STX17: variants seen among roughly 807,000 people sequenced by gnomAD.
STX17 encodes syntaxin-17.
In STX17, 29 loss-of-function variants were observed where a neutral mutation model predicts 35.9. That is an observed-to-expected ratio of 0.81 (90% confidence interval 0.60 to 1.10). STX17 has a LOEUF of 1.10. Among genes scored for constraint, STX17 ranks in the 50% least tolerant of loss-of-function variants. The probability of loss-of-function intolerance (pLI) is 0.00; values close to 1 mark genes in which losing one functional copy is unlikely to be tolerated. For missense variants in STX17, 312 were observed against 352.3 expected (o/e 0.89, Z 0.92); for synonymous variants, 92 against 118.3 (o/e 0.78, Z 1.44).
At chr9:99,908,742 G>A (rs1176936970) in intron 1 of STX17, among the ~76,000 whole-genome samples, 1 of 152,042 alleles carries the variant, frequency 6.6e-6, no homozygotes, top group Non-Finnish European at 1.5e-5. Flanking sequence ...TTTTTTTGGA[G>A]AATAGTATTT....
At chr9:99,925,414 T>G (rs1258183947) in intron 2 of STX17, among the ~76,000 whole-genome samples, 1 of 152,118 alleles carries the variant, frequency 6.6e-6, no homozygotes. Flanking sequence ...TATTTATATT[T>G]ACATATGTAT....
At chr9:99,957,291 C>T (rs190187346) in intron 4 of STX17, among the ~76,000 whole-genome samples, 1 of 152,132 alleles carries the variant, frequency 6.6e-6, no homozygotes, top group Non-Finnish European at 1.5e-5. Context: ...ACCCACAGCT[C>T]GGAAGTCTCA....
At chr9:99,945,244 T>C (rs978716586) in intron 3 of STX17, among the ~76,000 whole-genome samples, 2 of 152,224 alleles carry the variant, frequency 1.3e-5, no homozygotes, top group Admixed American at 6.5e-5. Flanking sequence ...TCAATTTTTC[T>C]TTATAGTTCT....
chr9:99,912,056 G>A lies in STX17; in HGVS notation c.-62-3122G>A, dbSNP rs188523656. Among the ~76,000 whole-genome samples the A allele has an allele frequency of 5.6e-3, 848 of 152,162 alleles. 8 individuals are homozygous for A. Among genetic ancestry groups the A allele is most frequent in the African/African-American group, 0.017 (720 of 41,512 alleles). ...AGCTTGGCCAACATGGCAAAATCCC[G>A]TCTCTACTAAAAACAAAAAATTAGC... On this transcript the variant is annotated intron_variant, in intron 1 of 7. Coordinates refer to ENST00000259400, the MANE Select transcript of STX17 (RefSeq NM_017919.3).
At chr9:99,955,334 A>C (rs1251340620) in intron 4 of STX17, among the ~76,000 whole-genome samples, 1 of 152,050 alleles carries the variant, frequency 6.6e-6, no homozygotes, top group Non-Finnish European at 1.5e-5. Context: ...AAACATGTAG[A>C]TGGTTTGTAT....
chr9:99,928,511 C>T (rs763267425), intron 2 of STX17, among the ~76,000 whole-genome samples: 2 of 152,018 alleles, frequency 1.3e-5, no homozygotes, highest in African/African-American at 2.4e-5. Flanking sequence ...GCAACATAGA[C>T]AAAATACATA....
chr9:99,960,031 C>A lies in STX17; in HGVS notation c.530C>A (p.Ala177Glu). 2 of 1,613,840 alleles carry A rather than the reference C, an allele frequency of 1.2e-6. No homozygotes were observed. The highest frequency in any genetic ancestry group is 1.7e-6 in the Non-Finnish European group (2 of 1,179,870). The stretch of plus-strand genomic sequence containing the variant: ...GCAGAATCGTGGGAAACCTTAGAAG[C>A]GGTATGTTAAAAAATGTTTTCTTTT... Reference protein sequence around the residue: ...NAAESWETLEADLIELSQLVT... With the variant: ...NAAESWETLEEDLIELSQLVT... Residue 177 changes from alanine to glutamate, a missense_variant and splice_region_variant, in exon 5 of 8, where the codon GCG (alanine) becomes GAG (glutamate). By Grantham distance (107) the Ala-to-Glu change is moderately radical. Coordinates refer to ENST00000259400, the MANE Select transcript of STX17 (RefSeq NM_017919.3).
intron 6 of STX17, among the ~76,000 whole-genome samples, chr9:99,966,637 T>G (rs1829917994): frequency 6.6e-6 from 1 of 152,242 alleles, no homozygotes; most frequent in Non-Finnish European, 1.5e-5. Context: ...AAATAGTCTG[T>G]AAACTGTGAT....
rs1828873055 is a variant in STX17, at chr9:99,920,993, G to A, written c.123+5631G>A. Among the ~76,000 whole-genome samples, 3 of 152,266 alleles carry A rather than the reference G, an allele frequency of 2.0e-5. No individual in the cohort carries two copies. The East Asian group carries it at 5.8e-4, about 29-fold the overall frequency. ...TGAGAAAATAATAACAGTGGAGGTA[G>A]TAGTTGTTTTCATTTGCTGAGTGCT... On this transcript the variant is annotated intron_variant, in intron 2 of 7. Transcript: ENST00000259400.
chr9:99,942,116 A>C (rs751108176), intron 3 of STX17, among the ~76,000 whole-genome samples: 5 of 152,222 alleles, frequency 3.3e-5, no homozygotes, highest in Non-Finnish European at 7.3e-5. Flanking sequence ...TGGGCACCAC[A>C]TCCTTACCAA....
At chr9:99,908,160 T>C (rs1828587996) in intron 1 of STX17, among the ~76,000 whole-genome samples, 1 of 152,260 alleles carries the variant, frequency 6.6e-6, no homozygotes, top group Non-Finnish European at 1.5e-5. Flanking sequence ...ATATGACTTA[T>C]TGCTCGTGAG....
intron 4 of STX17, among the ~76,000 whole-genome samples, chr9:99,956,960 A>T (rs917439887): frequency 6.6e-6 from 1 of 152,210 alleles, no homozygotes. Flanking sequence ...ATCAGATGCC[A>T]CATGTCATCA....
chr9:99,970,252 CT>C lies in STX17; in HGVS notation c.*1582del, dbSNP rs1410811113. On this transcript the variant is annotated 3_prime_UTR_variant, in exon 8 of 8. Transcript: ENST00000259400. ...CCTTTCATGTCCCTGTCTAAAGAGACTTTCTCTTTCATACGTCTTAAATCTC... is the reference window on the plus strand; with the variant it reads ...CCTTTCATGTCCCTGTCTAAAGAGACTTCTCTTTCATACGTCTTAAATCTC... 7.2e-5 allele frequency: 11 copies of C among 152,270 alleles called. No individual in the cohort carries two copies. The highest frequency in any genetic ancestry group is 2.2e-4 in the African/African-American group (9 of 41,542). The allele number at this position is 152,270 out of a possible 1,614,324, so 9.4% of individuals were successfully genotyped here. A position where few individuals can be genotyped will look rare whatever the true frequency, so the allele number is the denominator to read the frequency against.
At chr9:99,937,281 C>T (rs898692484) in intron 3 of STX17, among the ~76,000 whole-genome samples, 1 of 152,052 alleles carries the variant, frequency 6.6e-6, no homozygotes, top group Non-Finnish European at 1.5e-5. Flanking sequence ...CTTCTTGGAC[C>T]TCTGGACTTA....
chr9:99,935,329 C>CAA lies in STX17; in HGVS notation c.189+6504_189+6505dup, dbSNP rs35032937. On this transcript the variant is annotated intron_variant, in intron 3 of 7. Transcript: ENST00000259400. ...TGGGTGACAGAGCGACACTCCATCT[C>CAA]AAAAAAAAAAAAAAAAAAAGAAAAA... is the stretch of plus-strand genomic sequence containing the variant. Among the ~76,000 whole-genome samples the CAA allele has an allele frequency of 5.1e-3, 512 of 101,156 alleles. 6 individuals are homozygous for CAA. Among genetic ancestry groups the CAA allele is most frequent in the African/African-American group, 0.018 (467 of 26,314 alleles). The allele number at this position is 101,156 out of a possible 152,430, so 66.4% of individuals were successfully genotyped here.
intron 1 of STX17, among the ~76,000 whole-genome samples, chr9:99,913,189 A>G (rs764348097): frequency 1.3e-5 from 2 of 151,974 alleles, no homozygotes; most frequent in Non-Finnish European, 2.9e-5. Context: ...TTTTTAATGT[A>G]TGCTACTTGA....
At chr9:99,915,388 A>G in intron 2 of STX17, 26 bp downstream of exon 2, 1 of 1,575,052 alleles carries the variant, frequency 6.3e-7, no homozygotes, top group Non-Finnish European at 8.6e-7. Context: ...TACTACCACA[A>G]GAAATAGTTA....
intron 2 of STX17, among the ~76,000 whole-genome samples, chr9:99,923,889 G>A (rs2118349083): frequency 6.6e-6 from 1 of 152,234 alleles, no homozygotes; most frequent in South Asian, 2.1e-4. Flanking sequence ...GAGGTATGAG[G>A]GAATGGGTGC....
intron 7 of STX17, among the ~76,000 whole-genome samples, chr9:99,967,953 A>G (rs938400033): frequency 1.3e-5 from 2 of 152,256 alleles, no homozygotes; most frequent in African/African-American, 4.8e-5. Context: ...AAGAGAGAAT[A>G]AACTGTAGCT....
Sources: allele counts gnomAD v4.1 joint callset (sites outside exome capture counted in the v4.1 genomes callset), GRCh38; gene constraint gnomAD v4.1.1; transcripts MANE v1.5; gene names NCBI Gene and HGNC (gene_info 2026-07-23, HGNC 2026-07-21).